Variants in SEC24B observed in about 807,000 individuals in gnomAD.
SEC24B encodes protein transport protein Sec24B.
In SEC24B, 45 loss-of-function variants were observed where a neutral mutation model predicts 142.8. That is an observed-to-expected ratio of 0.32 (90% CI 0.25 to 0.40). The LOEUF is 0.40. Among genes scored for constraint, SEC24B ranks in the 10% least tolerant of loss-of-function variants. The pLI is 1.00. For synonymous variants in SEC24B, 574 were observed against 568.2 expected (o/e 1.01, Z -0.15); for missense variants, 1,409 against 1,526.8 (o/e 0.92, Z 1.29).
At chr4:109,508,278 G>A (rs550498775) in intron 7 of SEC24B, among the ~76,000 whole-genome samples, 7 of 152,202 alleles carry the variant, frequency 4.6e-5, no homozygotes, top group East Asian at 3.9e-4. Context: ...TAAATGTAGC[G>A]TATGGGCCAT....
At chr4:109,517,284 A>G (rs1723042266) in intron 11 of SEC24B, among the ~76,000 whole-genome samples, 1 of 149,554 alleles carries the variant, frequency 6.7e-6, no homozygotes, top group Non-Finnish European at 1.5e-5. Context: ...ATGGAATACT[A>G]TCCAGCCTTT....
chr4:109,520,992 CA>C (rs35364322), intron 12 of SEC24B, 124 bp from the exon 13 acceptor site: 1 of 619,820 alleles, frequency 1.6e-6, no homozygotes, highest in South Asian at 1.8e-5. Context: ...AACTCCATCT[CA>C]AAAAAATAAA....
intron 3 of SEC24B, among the ~76,000 whole-genome samples, chr4:109,474,473 T>G (rs1353524000): frequency 2.0e-5 from 3 of 151,508 alleles, no homozygotes; most frequent in East Asian, 3.9e-4. Flanking sequence ...CACCCGGGGT[T>G]GAGTGCAGTG....
At chr4:109,470,104 G>T (rs931739910) in intron 2 of SEC24B, among the ~76,000 whole-genome samples, 4 of 152,150 alleles carry the variant, frequency 2.6e-5, no homozygotes, top group African/African-American at 9.7e-5. Context: ...CAATACCAAG[G>T]AATGGTCAGG....
chr4:109,539,172 G>A (rs1357541063), intron 23 of SEC24B, among the ~76,000 whole-genome samples: 3 of 151,966 alleles, frequency 2.0e-5, no homozygotes, highest in African/African-American at 7.2e-5. Flanking sequence ...ATGTTGGCCA[G>A]GCTGGTCTTG....
Position 109,494,857 on chromosome 4 carries a change from G to A in SEC24B, c.1488+1G>A. The A allele has an allele frequency of 6.2e-7, 1 of 1,614,022 alleles. No individual in the cohort carries two copies. ...TTCTGGATTCCAGCAGTATCCTCAA[G>A]TATGTATTCAGTCATATACACACAT... On this transcript the variant is annotated splice_donor_variant, in intron 6 of 23. Transcript: ENST00000265175. LOFTEE classifies it high-confidence loss of function.
rs1737136844 is a variant in SEC24B, at chr4:109,509,859, CTAAT to C, written c.1674-145_1674-142del. ...TTTTTGACATATATTGCATACATGC[CTAAT>C]TAATCAGGACCTTCTTGCTTACAGT... is the stretch of plus-strand genomic sequence containing the variant. On this transcript the variant is annotated intron_variant, in intron 7 of 23. Transcript: ENST00000265175. 8.1e-6 allele frequency: 4 copies of C among 493,680 alleles called. No individual in the cohort carries two copies. The Admixed American group carries it at 1.6e-4, about 20-fold the overall frequency. The allele number at this position is 493,680 out of a possible 1,614,324, so 30.6% of individuals were successfully genotyped here.
chr4:109,482,983 C>CATAT (rs1733921313), intron 4 of SEC24B, among the ~76,000 whole-genome samples: 6 of 80,098 alleles, frequency 7.5e-5, no homozygotes, highest in African/African-American at 3.1e-4. Flanking sequence ...TATATATACA[C>CATAT]ACACACACAC....
In SEC24B at chr4:109,473,197, T is replaced by G. The variant is rs777728634; in HGVS notation, c.1060+11T>G. 2 of 1,541,422 alleles carry G rather than the reference T, an allele frequency of 1.3e-6. No individual in the cohort carries two copies. Among genetic ancestry groups the G allele is most frequent in the Admixed American group, 2.0e-5 (1 of 50,556 alleles). ...TATTACAACAAAAAGGTATTTGAGA[T>G]ATTTATTATTGTATATGCACACAGA... On this transcript the variant is annotated intron_variant, in intron 3 of 23. Coordinates refer to ENST00000265175, the MANE Select transcript of SEC24B (RefSeq NM_006323.5).
intron 15 of SEC24B, 71 bp from the exon 16 acceptor site, chr4:109,525,275 T>C: frequency 7.9e-7 from 1 of 1,260,158 alleles, no homozygotes; most frequent in Non-Finnish European, 1.1e-6. Context: ...TAATGTAGAA[T>C]CTGTACTACT....
intron 3 of SEC24B, among the ~76,000 whole-genome samples, chr4:109,476,235 C>A (rs990497696): frequency 6.6e-6 from 1 of 152,154 alleles, no homozygotes; most frequent in Non-Finnish European, 1.5e-5. Context: ...GATCTGCCTG[C>A]CTAGGCCTCC....
Position 109,491,359 on chromosome 4 carries a change from T to G in SEC24B, c.1198T>G (p.Ser400Ala). ...CAGCTCTTCTACCACAAGCAGTGCT[T>G]CTCCAATGCCCAACAGTTATGATGC... ...VDSSSTTSSASPMPNSYDALE... is the reference protein window; with the variant it reads ...VDSSSTTSSAAPMPNSYDALE... The change falls in exon 5 of 24, where the codon TCT becomes GCT. Residue 400 changes from serine (S) to alanine (A), a missense_variant. By Grantham distance (99) the Ser-to-Ala change is moderately conservative. Around this residue, in one of 2 missense-constraint regions of SEC24B, gnomAD observed 709 missense variants for 673.5 expected, o/e 1.05. Coordinates refer to ENST00000265175, the MANE Select transcript of SEC24B (RefSeq NM_006323.5). 1 of 1,613,734 alleles carries G rather than the reference T, an allele frequency of 6.2e-7. No homozygotes were observed. The highest frequency in any genetic ancestry group is 1.1e-5 in the South Asian group (1 of 91,040).
chr4:109,481,010 T>TGTA (rs1733684348), intron 3 of SEC24B, among the ~76,000 whole-genome samples: 1 of 152,180 alleles, frequency 6.6e-6, no homozygotes, highest in South Asian at 2.1e-4. Context: ...CGGACTCACA[T>TGTA]GTAGGCAATA....
At chr4:109,439,634 T>C (rs867551661) in intron 1 of SEC24B, among the ~76,000 whole-genome samples, 2 of 150,246 alleles carry the variant, frequency 1.3e-5, no homozygotes, top group Non-Finnish European at 3.0e-5. Context: ...CCCGAGTAGC[T>C]GGGATTACAG....
intron 6 of SEC24B, among the ~76,000 whole-genome samples, chr4:109,496,378 G>A (rs1173149238): frequency 6.6e-6 from 1 of 152,128 alleles, no homozygotes; most frequent in Admixed American, 6.5e-5. Context: ...CTCCCAAAGT[G>A]TGCTGGGATT....
chr4:109,533,452 G>C (rs1218062334), intron 21 of SEC24B, 141 bp from the exon 22 acceptor site: 1 of 641,876 alleles, frequency 1.6e-6, no homozygotes, highest in Non-Finnish European at 2.7e-6. Context: ...CTTACATATA[G>C]ATTCACAATG....
At chr4:109,460,110 G>T (rs981771214) in intron 1 of SEC24B, among the ~76,000 whole-genome samples, 1 of 151,984 alleles carries the variant, frequency 6.6e-6, no homozygotes, top group Non-Finnish European at 1.5e-5. Context: ...TATACTTCTT[G>T]GAATTATAGG....
At chr4:109,508,436 A>G (rs536089544) in intron 7 of SEC24B, among the ~76,000 whole-genome samples, 3 of 152,130 alleles carry the variant, frequency 2.0e-5, no homozygotes, top group South Asian at 4.1e-4. Flanking sequence ...GCATAGTGCC[A>G]TGTGCCTGTG....
chr4:109,436,946 A>G (rs2125886602), intron 1 of SEC24B, among the ~76,000 whole-genome samples: 1 of 152,326 alleles, frequency 6.6e-6, no homozygotes, highest in East Asian at 1.9e-4. Flanking sequence ...AATAAATTTA[A>G]ATGTTTTCCT....
Sources: allele counts gnomAD v4.1 joint callset (sites outside exome capture counted in the v4.1 genomes callset), GRCh38; gene constraint gnomAD v4.1.1; regional missense constraint gnomAD v4.1.1; transcripts MANE v1.5; gene names NCBI Gene and HGNC (gene_info 2026-07-23, HGNC 2026-07-21).